Variants in CNDP2 observed in about 807,000 individuals in gnomAD.
The protein encoded by CNDP2 is cytosolic non-specific dipeptidase.
A neutral mutation model predicts 55.0 loss-of-function variants in CNDP2; 38 were observed. The observed-to-expected ratio is 0.69, with a 90% confidence interval of 0.53 to 0.90. CNDP2 has a LOEUF of 0.90. CNDP2 is among the 40% of genes least tolerant of loss of function. The pLI, the probability that CNDP2 is intolerant of heterozygous loss-of-function variation, is 0.00. For missense variants in CNDP2, 607 were observed against 621.7 expected (o/e 0.98, Z 0.25); for synonymous variants, 241 against 260.2 (o/e 0.93, Z 0.71).
chr18:74,518,098 T>C (rs62099875), intron 9 of CNDP2: 2,711 of 158,630 alleles, frequency 0.017, 43 homozygotes, highest in Non-Finnish European at 0.025. Context: ...CCGTCTCTAC[T>C]GAAAAGACAA....
chr18:74,506,190 A>G lies in CNDP2; in HGVS notation c.367+179A>G, dbSNP rs1599063307. On this transcript the variant is annotated intron_variant, in intron 4 of 11. Transcript: ENST00000324262. ...ACTCTGTAGCTCAGGCTGGAGGGCA[A>G]TGGCAAGATCTCAATTCACTGCAAC... Among the ~76,000 whole-genome samples, 3 of 152,160 alleles carry G rather than the reference A, an allele frequency of 2.0e-5. No individual in the cohort carries two copies. In the South Asian group the frequency reaches 6.2e-4, roughly 32 times the overall value.
chr18:74,500,472 G>A (rs957139816), intron 2 of CNDP2, among the ~76,000 whole-genome samples: 2 of 152,178 alleles, frequency 1.3e-5, no homozygotes, highest in Non-Finnish European at 2.9e-5. Context: ...CCATTGTCGG[G>A]ATGATAAATA....
At position 74,513,667 on chromosome 18, in the gene CNDP2, T is replaced by A; in HGVS notation, c.851T>A (p.Ile284Lys). The change falls in exon 8 of 12, where the codon ATA (isoleucine) becomes AAA (lysine). Residue 284 changes from isoleucine to lysine, a missense_variant. Ile to Lys is a moderately radical substitution (Grantham distance 102). Coordinates refer to ENST00000324262, the MANE Select transcript of CNDP2 (RefSeq NM_018235.3). ...CTGTACGACGACATCGACTTTGACATAGAGGAGTTTGCCAAGGATGTGGGG... is the reference window on the plus strand; with the variant it reads ...CTGTACGACGACATCGACTTTGACAAAGAGGAGTTTGCCAAGGATGTGGGG... ...HKLYDDIDFD[I>K]EEFAKDVGAQ... 1 of 1,614,042 alleles carries A rather than the reference T, an allele frequency of 6.2e-7. No homozygotes were observed. Among genetic ancestry groups the A allele is most frequent in the Non-Finnish European group, 8.5e-7 (1 of 1,179,994 alleles).
intron 9 of CNDP2, 104 bp downstream of exon 9, chr18:74,516,496 C>G: frequency 1.7e-6 from 2 of 1,159,572 alleles, no homozygotes; most frequent in Non-Finnish European, 2.4e-6. Flanking sequence ...GCCATGCATG[C>G]CCCCGCTTCC....
intron 1 of CNDP2, chr18:74,499,206 A>G (rs1978557114): frequency 6.6e-6 from 1 of 152,210 alleles, no homozygotes; most frequent in Non-Finnish European, 1.5e-5. Flanking sequence ...AGCCAATTAT[A>G]AAAGTCCCAA....
At position 74,510,950 on chromosome 18, in the gene CNDP2, G is replaced by C; in HGVS notation, c.594G>C (p.Trp198Cys). The stretch of plus-strand genomic sequence containing the variant: ...ATGTCTGCATTTCTGACAATTACTG[G>C]CTGGGAAAGAAGAAGCCCTGCATCA... ...VDYVCISDNY[W>C]LGKKKPCITY... Residue 198 changes from tryptophan to cysteine, a missense_variant, in exon 6 of 12, where the codon TGG becomes TGC. Coordinates refer to ENST00000324262, the MANE Select transcript of CNDP2 (RefSeq NM_018235.3). 6.2e-7 allele frequency: 1 copy of C among 1,614,172 alleles called. No homozygotes were observed. The highest frequency in any genetic ancestry group is 8.5e-7 in the Non-Finnish European group (1 of 1,180,028).
chr18:74,507,001 T>G (rs536185907), intron 4 of CNDP2: 1 of 152,248 alleles, frequency 6.6e-6, no homozygotes, highest in African/African-American at 2.4e-5. Flanking sequence ...GTTCAAACCT[T>G]TCCTGGCCCA....
intron 7 of CNDP2, 71 bp downstream of exon 7, chr18:74,512,603 A>G: frequency 7.5e-7 from 1 of 1,338,344 alleles, no homozygotes; most frequent in East Asian, 2.3e-5. Flanking sequence ...GCTGTCTGTC[A>G]TCAGCATTGG....
At position 74,500,015 on chromosome 18, in the gene CNDP2, T is replaced by G; in HGVS notation, c.42T>G (p.Asn14Lys). The change falls in exon 2 of 12, where the codon AAT becomes AAG. Residue 14 changes from asparagine to lysine, a missense_variant. Asn to Lys is a moderately conservative substitution (Grantham distance 94). Transcript: ENST00000324262. ...LTTLFKYIDE[N>K]QDRYIKKLAK... is the part of the protein sequence containing the mutation. ...CCCTGTTTAAGTACATAGATGAAAA[T>G]CAGGATCGCTACATTAAGGTAAGGG... 1 of 1,613,896 alleles carries G rather than the reference T, an allele frequency of 6.2e-7. No individual in the cohort carries two copies. The highest frequency in any genetic ancestry group is 8.5e-7 in the Non-Finnish European group (1 of 1,179,864).
intron 5 of CNDP2, among the ~76,000 whole-genome samples, chr18:74,510,310 A>C (rs1380104161): frequency 1.3e-5 from 2 of 152,010 alleles, no homozygotes; most frequent in African/African-American, 2.4e-5. Context: ...GCACAACCTC[A>C]TTTTTCACCT....
intron 2 of CNDP2, among the ~76,000 whole-genome samples, chr18:74,500,473 A>G (rs1224322649): frequency 6.6e-6 from 1 of 152,252 alleles, no homozygotes; most frequent in Non-Finnish European, 1.5e-5. Context: ...CATTGTCGGG[A>G]TGATAAATAA....
At chr18:74,506,158 G>A (rs1055790974) in intron 4 of CNDP2, 147 bp downstream of exon 4, 2 of 712,596 alleles carry the variant, frequency 2.8e-6, no homozygotes, top group Admixed American at 4.4e-5. Context: ...TTTTGAGACA[G>A]AGTCTCACTC....
chr18:74,497,757 C>T (rs1377060811), intron 1 of CNDP2: 5 of 152,122 alleles, frequency 3.3e-5, no homozygotes, highest in Non-Finnish European at 7.3e-5. Flanking sequence ...TGCACTCCTG[C>T]CTGGGTGACA....
chr18:74,513,587 C>G lies in CNDP2; in HGVS notation c.771C>G (p.Ile257Met). The G allele has an allele frequency of 6.2e-7, 1 of 1,613,672 alleles. No individual in the cohort carries two copies. Among genetic ancestry groups the G allele is most frequent in the Non-Finnish European group, 8.5e-7 (1 of 1,179,964 alleles). The change falls in exon 8 of 12, where the codon ATC (isoleucine) becomes ATG (methionine). Residue 257 changes from isoleucine (I) to methionine (M), a missense_variant. Coordinates refer to ENST00000324262, the MANE Select transcript of CNDP2 (RefSeq NM_018235.3). The part of the protein sequence containing the change: ...MGSLVDKRGN[I>M]LIPGINEAVA... ...CTTTGGTGGACAAGAGGGGGAACAT[C>G]CTGATCCCCGGCATTAACGAGGCCG...
intron 5 of CNDP2, 75 bp from the exon 6 acceptor site, chr18:74,510,738 T>G: frequency 7.8e-7 from 1 of 1,285,588 alleles, no homozygotes; most frequent in African/African-American, 1.5e-5. Flanking sequence ...ATGTGAAATA[T>G]GTAATCCTGA....
intron 6 of CNDP2, among the ~76,000 whole-genome samples, chr18:74,511,788 T>C (rs1979370965): frequency 6.6e-6 from 1 of 151,826 alleles, no homozygotes; most frequent in Non-Finnish European, 1.5e-5. Context: ...ACTCACTGGC[T>C]GGTGGTCATC....
In CNDP2 at chr18:74,513,571, A is replaced by T; in HGVS notation, c.755A>T (p.Asp252Val). Residue 252 changes from aspartate to valine, a missense_variant, in exon 8 of 12, where the codon GAC (aspartate) becomes GTC (valine). Physicochemically the swap from Asp to Val is radical, Grantham distance 152. Coordinates refer to ENST00000324262, the MANE Select transcript of CNDP2 (RefSeq NM_018235.3). ...CGGCTTCCCTCAGGCTCTTTGGTGG[A>T]CAAGAGGGGGAACATCCTGATCCCC... ...DLILLMGSLV[D>V]KRGNILIPGI... The T allele has an allele frequency of 6.2e-7, 1 of 1,612,866 alleles. No individual in the cohort carries two copies. The highest frequency in any genetic ancestry group is 8.5e-7 in the Non-Finnish European group (1 of 1,179,730).
chr18:74,500,506 T>C (rs769538603), intron 2 of CNDP2, among the ~76,000 whole-genome samples: 2 of 152,244 alleles, frequency 1.3e-5, no homozygotes, highest in Non-Finnish European at 2.9e-5. Flanking sequence ...TGTGGCAACA[T>C]TGGGTATTTT....
chr18:74,508,964 G>T (rs991806206), intron 5 of CNDP2, 36 bp downstream of exon 5: 1 of 1,557,340 alleles, frequency 6.4e-7, no homozygotes, highest in Admixed American at 1.7e-5. Flanking sequence ...CTGAGTCCTG[G>T]GTTCCATCTG....
Sources: gnomAD v4.1 joint callset for allele counts (sites outside exome capture counted in the v4.1 genomes callset) on GRCh38, gnomAD v4.1.1 for gene constraint, MANE v1.5 for transcripts, NCBI Gene and HGNC (gene_info 2026-07-23, HGNC 2026-07-21) for gene names.